ATP2B2: variants seen among roughly 807,000 people sequenced by gnomAD.
ATP2B2 encodes plasma membrane calcium-transporting ATPase 2.
Under a neutral mutation model 120.0 loss-of-function variants are expected in ATP2B2, and 15 were observed. That is an observed-to-expected ratio of 0.12 (90% CI 0.08 to 0.19). The LOEUF (loss-of-function observed/expected upper bound fraction) is 0.19. Among genes scored for constraint, ATP2B2 ranks in the 10% least tolerant of loss-of-function variants. The pLI, the probability that ATP2B2 is intolerant of heterozygous loss-of-function variation, is 1.00. For synonymous variants in ATP2B2, 694 were observed against 700.3 expected, an observed-to-expected ratio of 0.99 and a Z score of 0.14; for missense variants, 1,045 against 1,719.8, an observed-to-expected ratio of 0.61 and a Z score of 6.94.
intron 2 of ATP2B2, among the ~76,000 whole-genome samples, chr3:10,608,573 C>T (rs964876324): frequency 1.3e-5 from 2 of 152,236 alleles, no homozygotes; most frequent in African/African-American, 4.8e-5. Flanking sequence ...CCTGCCGAGC[C>T]CGTCACCACA....
chr3:10,410,596 G>A (rs760581021), intron 3 of ATP2B2, 22 bp downstream of exon 3: 19 of 1,584,328 alleles, frequency 1.2e-5, no homozygotes, highest in African/African-American at 1.1e-4. Context: ...GGGGCGGTTC[G>A]TGGGTCTGAG....
In ATP2B2 at chr3:10,617,748, ATCC is replaced by A. The variant is rs561528647; in HGVS notation, c.-415+2166_-415+2168del. Among the ~76,000 whole-genome samples the A allele has an allele frequency of 2.6e-4, 39 of 152,328 alleles. No individual in the cohort carries two copies. In the South Asian group the frequency reaches 7.7e-3, roughly 30 times the overall value. On this transcript the variant is annotated intron_variant, in intron 2 of 21. Transcript: ENST00000646379. ...AGGGCAGCAGCAGGACGGCTCCCAG[ATCC>A]AGCCCTGGTGTCCTGTTCTGCCTTC...
At chr3:10,511,090 T>C (rs1407021194) in intron 3 of ATP2B2, among the ~76,000 whole-genome samples, 1 of 152,166 alleles carries the variant, frequency 6.6e-6, no homozygotes, top group Non-Finnish European at 1.5e-5. Context: ...ACAGTGGGTC[T>C]TTGTTGCTCC....
chr3:10,410,834 G>A lies in ATP2B2; in HGVS notation c.200-19C>T. 6.2e-7 allele frequency: 1 copy of A among 1,612,118 alleles called. No homozygotes were observed. Among genetic ancestry groups the A allele is most frequent in the Non-Finnish European group, 8.5e-7 (1 of 1,179,916 alleles). ...GGCAAACCTGTGGACAGAGAACAGAGAGGTTGGCTGGGGGCCTGGGAGAGA... is the reference window on the plus strand; with the variant it reads ...GGCAAACCTGTGGACAGAGAACAGAAAGGTTGGCTGGGGGCCTGGGAGAGA... On this transcript the variant is annotated intron_variant, in intron 2 of 22. Coordinates refer to ENST00000360273, the MANE Select transcript of ATP2B2 (RefSeq NM_001001331.4).
intron 2 of ATP2B2, among the ~76,000 whole-genome samples, chr3:10,588,491 G>A (rs986815430): frequency 5.9e-5 from 9 of 152,128 alleles, no homozygotes; most frequent in African/African-American, 2.2e-4. Context: ...GCAGTTCCAC[G>A]GCCGGGCACT....
intron 1 of ATP2B2, among the ~76,000 whole-genome samples, chr3:10,471,364 C>CTGAGTGTG (rs1221371075): frequency 0.016 from 2,438 of 150,452 alleles, 49 homozygotes; most frequent in Middle Eastern, 0.027. Flanking sequence ...TTCAGGAAAC[C>CTGAGTGTG]TGTGTGTGTG....
chr3:10,690,472 C>CTATCTATCTATCTATA (rs1553650997), intron 1 of ATP2B2, among the ~76,000 whole-genome samples: 1 of 151,506 alleles, frequency 6.6e-6, no homozygotes, highest in Admixed American at 6.6e-5. Flanking sequence ...ATCTATCTAT[C>CTATCTATCTATCTATA]TATCTATATA....
chr3:10,502,273 G>A (rs1411839131), intron 1 of ATP2B2, among the ~76,000 whole-genome samples: 1 of 152,190 alleles, frequency 6.6e-6, no homozygotes, highest in Non-Finnish European at 1.5e-5. Flanking sequence ...GCCCTCTACA[G>A]TGTCCAGGGC....
intron 2 of ATP2B2, among the ~76,000 whole-genome samples, chr3:10,582,318 G>A (rs908930757): frequency 6.6e-5 from 10 of 152,074 alleles, no homozygotes; most frequent in African/African-American, 2.2e-4. Context: ...CCAAGTTGAC[G>A]GCCATTGTTC....
intron 22 of ATP2B2, among the ~76,000 whole-genome samples, chr3:10,333,484 G>A (rs945591981): frequency 1.3e-5 from 2 of 152,146 alleles, no homozygotes; most frequent in African/African-American, 4.8e-5. Flanking sequence ...GGTCCTCAGA[G>A]TCCTTGGAGA....
rs913634187 is a variant in ATP2B2, at chr3:10,706,190, G to GTGAA, written c.-460+1721_-460+1724dup. Reference sequence around the variant, plus strand: ...CAAGGCTTAGGGAGTGAGTGAGTGAGTGAATGAATGAATGAATGAATGAGC... The same window carrying GTGAA: ...CAAGGCTTAGGGAGTGAGTGAGTGAGTGAATGAATGAATGAATGAATGAATGAGC... On this transcript the variant is annotated intron_variant, in intron 1 of 21. Transcript: ENST00000646379. 1.6e-4 allele frequency among the ~76,000 whole-genome samples: 24 copies of GTGAA among 152,236 alleles called. 1 individual carries two copies. Among genetic ancestry groups the GTGAA allele is most frequent in the South Asian group, 8.3e-4 (4 of 4,822 alleles).
upstream of ATP2B2, among the ~76,000 whole-genome samples, chr3:10,507,712 C>T (rs1208370563): frequency 6.6e-6 from 1 of 152,230 alleles, no homozygotes; most frequent in East Asian, 1.9e-4. Flanking sequence ...CTGTGTCCGG[C>T]ACACTTTACA....
Position 10,379,297 on chromosome 3 carries a change from G to T in ATP2B2, c.1001-13C>A. 1.2e-6 allele frequency: 2 copies of T among 1,613,928 alleles called. No homozygotes were observed. Among genetic ancestry groups the T allele is most frequent in the Non-Finnish European group, 1.7e-6 (2 of 1,179,774 alleles). Reference sequence around the variant, plus strand: ...TCCTGCATTTTACCTACACGACAAAGAATTTTAACAGACAACAGAGAACAG... The same window carrying T: ...TCCTGCATTTTACCTACACGACAAATAATTTTAACAGACAACAGAGAACAG... On this transcript the variant is annotated splice_polypyrimidine_tract_variant and intron_variant, in intron 8 of 22. Coordinates refer to ENST00000360273, the MANE Select transcript of ATP2B2 (RefSeq NM_001001331.4).
intron 2 of ATP2B2, among the ~76,000 whole-genome samples, chr3:10,557,708 T>A (rs2067812164): frequency 6.6e-6 from 1 of 152,206 alleles, no homozygotes; most frequent in African/African-American, 2.4e-5. Flanking sequence ...GAGGGTACAT[T>A]CTACACCATT....
intron 1 of ATP2B2, among the ~76,000 whole-genome samples, chr3:10,487,489 CTCA>C (rs2065736122): frequency 6.6e-6 from 1 of 152,182 alleles, no homozygotes; most frequent in Non-Finnish European, 1.5e-5. Context: ...CAGAGAGCAA[CTCA>C]TCAATTCTCA....
At chr3:10,457,119 G>A (rs1301561012) in intron 1 of ATP2B2, among the ~76,000 whole-genome samples, 1 of 152,172 alleles carries the variant, frequency 6.6e-6, no homozygotes, top group Non-Finnish European at 1.5e-5. Flanking sequence ...TGTAGGGTGA[G>A]TGTGTGAGTG....
intron 1 of ATP2B2, among the ~76,000 whole-genome samples, chr3:10,655,802 A>G (rs760092259): frequency 2.2e-4 from 34 of 152,184 alleles, no homozygotes; most frequent in Non-Finnish European, 4.4e-5. Context: ...TGCTTTCAGG[A>G]GTAACAAGAG....
chr3:10,576,894 C>A (rs2068262751), intron 2 of ATP2B2, among the ~76,000 whole-genome samples: 1 of 151,990 alleles, frequency 6.6e-6, no homozygotes, highest in Non-Finnish European at 1.5e-5. Context: ...GAAACCCCGT[C>A]TCTACTAAAA....
At chr3:10,493,523 G>T (rs1448237492) in intron 1 of ATP2B2, among the ~76,000 whole-genome samples, 1 of 152,158 alleles carries the variant, frequency 6.6e-6, no homozygotes, top group African/African-American at 2.4e-5. Context: ...GTCTCGACTT[G>T]TTCCTGTACA....
Sources: allele counts gnomAD v4.1 joint callset (sites outside exome capture counted in the v4.1 genomes callset), GRCh38; gene constraint gnomAD v4.1.1; transcripts MANE v1.5; gene names NCBI Gene and HGNC (gene_info 2026-07-23, HGNC 2026-07-21).